Variants in CYP2A13 observed in about 807,000 individuals in gnomAD.
CYP2A13 encodes the protein cytochrome P450 family 2 subfamily A member 13.
Under a neutral mutation model 39.4 loss-of-function variants are expected in CYP2A13, and 30 were observed. That is an observed-to-expected ratio of 0.76 (90% CI 0.57 to 1.03). The LOEUF (loss-of-function observed/expected upper bound fraction) is 1.03. CYP2A13 is among the 50% of genes least tolerant of loss of function. The pLI, the probability that CYP2A13 is intolerant of heterozygous loss-of-function variation, is 0.00. For synonymous variants in CYP2A13, 269 were observed against 254.7 expected (o/e 1.06, Z -0.54); for missense variants, 731 against 648.4 (o/e 1.13, Z -1.38).
Position 41,090,421 on chromosome 19 carries a change from A to G in CYP2A13, c.511A>G (p.Thr171Ala). The change falls in exon 4 of 9, where the codon ACC (threonine) becomes GCC (alanine). Residue 171 changes from threonine (T) to alanine (A), a missense_variant. Physicochemically the swap from Thr to Ala is moderately conservative, Grantham distance 58. Coordinates refer to ENST00000330436, the MANE Select transcript of CYP2A13 (RefSeq NM_000766.5). ...ACCTGCAGGCGCCAATATCGATCCCACCTTCTTCCTGAGCCGCACAGTCTC... is the reference window on the plus strand; with the variant it reads ...ACCTGCAGGCGCCAATATCGATCCCGCCTTCTTCCTGAGCCGCACAGTCTC... ...RGTHGANIDP[T>A]FFLSRTVSNV... is the part of the protein sequence containing the mutation. The G allele has an allele frequency of 6.2e-7, 1 of 1,613,826 alleles. No individual in the cohort carries two copies. The highest frequency in any genetic ancestry group is 1.1e-5 in the South Asian group (1 of 91,056).
chr19:41,094,115 T>C, intron 6 of CYP2A13, 130 bp from the exon 7 acceptor site: 7 of 1,409,626 alleles, frequency 5.0e-6, no homozygotes, highest in Non-Finnish European at 6.7e-6. Flanking sequence ...GGCTGATGTC[T>C]GTTCTGTTAT....
Position 41,091,758 on chromosome 19 carries a change from G to C in CYP2A13, c.681G>C (p.Met227Ile), listed in dbSNP as rs746910105. Reference sequence around the variant, plus strand: ...TCTATGAGATGTTCTCTTCGGTGATGAAACACCTGCCAGGACCACAGCAAC... The same window carrying C: ...TCTATGAGATGTTCTCTTCGGTGATCAAACACCTGCCAGGACCACAGCAAC... ...GQLYEMFSSV[M>I]KHLPGPQQQA... The change falls in exon 5 of 9, where the codon ATG becomes ATC. Residue 227 changes from methionine (M) to isoleucine (I), a missense_variant. Physicochemically the swap from Met to Ile is conservative, Grantham distance 10. Transcript: ENST00000330436. 6.2e-7 allele frequency: 1 copy of C among 1,613,994 alleles called. No individual in the cohort carries two copies. The highest frequency in any genetic ancestry group is 8.5e-7 in the Non-Finnish European group (1 of 1,179,872).
In CYP2A13 at chr19:41,090,026, C is replaced by A. The variant is rs754847632; in HGVS notation, c.344-21C>A. On this transcript the variant is annotated intron_variant, in intron 2 of 8. Transcript: ENST00000330436. Reference sequence around the variant, plus strand: ...CCCGCCGCCCCCTGACCTCTCTCCACCCCCGCGTTCACCTCCCCAGGCGTG... The same window carrying A: ...CCCGCCGCCCCCTGACCTCTCTCCAACCCCGCGTTCACCTCCCCAGGCGTG... The A allele has an allele frequency of 1.2e-5, 19 of 1,609,240 alleles. No homozygotes were observed. The East Asian group carries it at 2.9e-4, about 25-fold the overall frequency.
At position 41,095,885 on chromosome 19, in the gene CYP2A13, C is replaced by A; in HGVS notation, c.1429C>A (p.His477Asn). ...SPKDIDVSPKHVGFATIPRNY... is the reference protein window; with the variant it reads ...SPKDIDVSPKNVGFATIPRNY... ...TAAGGATATCGACGTGTCCCCCAAACACGTGGGCTTTGCCACGATCCCACG... is the reference window on the plus strand; with the variant it reads ...TAAGGATATCGACGTGTCCCCCAAAAACGTGGGCTTTGCCACGATCCCACG... The change falls in exon 9 of 9, where the codon CAC (histidine) becomes AAC (asparagine). Residue 477 changes from histidine to asparagine, a missense_variant. Coordinates refer to ENST00000330436, the MANE Select transcript of CYP2A13 (RefSeq NM_000766.5). 1.9e-6 allele frequency: 3 copies of A among 1,613,940 alleles called. No individual in the cohort carries two copies. The highest frequency in any genetic ancestry group is 2.5e-6 in the Non-Finnish European group (3 of 1,179,848).
At position 41,092,290 on chromosome 19, in the gene CYP2A13, T is replaced by A. The variant is rs150246159; in HGVS notation, c.831+382T>A. Among the ~76,000 whole-genome samples, 131 of 124,342 alleles carry A rather than the reference T, an allele frequency of 1.1e-3. 1 individual carries two copies. Among genetic ancestry groups the A allele is most frequent in the Admixed American group, 3.0e-3 (28 of 9,232 alleles). The allele number at this position is 124,342 out of a possible 152,430, so 81.6% of individuals were successfully genotyped here. A position where few individuals can be genotyped will look rare whatever the true frequency, so the allele number is the denominator to read the frequency against. On this transcript the variant is annotated intron_variant, in intron 5 of 8. Coordinates refer to ENST00000330436, the MANE Select transcript of CYP2A13 (RefSeq NM_000766.5). The stretch of plus-strand genomic sequence containing the variant: ...GGGATCATGCCACTGCACTCCGGCC[T>A]GAGTGACAGAGCAAGACCCTGTAAA...
At chr19:41,093,316 C>T (rs1177972377) in intron 5 of CYP2A13, among the ~76,000 whole-genome samples, 1 of 151,896 alleles carries the variant, frequency 6.6e-6, no homozygotes, top group Non-Finnish European at 1.5e-5. Context: ...ATTCCTTGAA[C>T]CCAGGAGTTG....
chr19:41,090,276 C>T, intron 3 of CYP2A13, 80 bp downstream of exon 3: 3 of 1,559,798 alleles, frequency 1.9e-6, no homozygotes, highest in South Asian at 1.2e-5. Flanking sequence ...GAAAGGGGCC[C>T]GCACTTCCAG....
At chr19:41,089,888 TCTGA>T (rs1459197211) in intron 2 of CYP2A13, among the ~76,000 whole-genome samples, 155 bp from the exon 3 acceptor site, 3 of 146,266 alleles carry the variant, frequency 2.1e-5, no homozygotes, top group African/African-American at 5.1e-5. Context: ...CTCGTGTTTC[TCTGA>T]CTGAGTTTGC....
At chr19:41,089,668 C>T (rs560074691) in intron 2 of CYP2A13, among the ~76,000 whole-genome samples, 2 of 151,748 alleles carry the variant, frequency 1.3e-5, no homozygotes, top group African/African-American at 4.8e-5. Context: ...ATCTCACTTC[C>T]CCTCCCTCCA....
At chr19:41,090,325 C>G in intron 3 of CYP2A13, 79 bp from the exon 4 acceptor site, 5 of 1,602,158 alleles carry the variant, frequency 3.1e-6, no homozygotes, top group Non-Finnish European at 4.3e-6. Flanking sequence ...CAACAGGGCC[C>G]TGCCTCCTGG....
Position 41,091,852 on chromosome 19 carries a change from C to T in CYP2A13, c.775C>T (p.Leu259=). Residue 259 remains leucine, a synonymous_variant, in exon 5 of 9, where the codon CTG becomes TTG. Coordinates refer to ENST00000330436, the MANE Select transcript of CYP2A13 (RefSeq NM_000766.5). The part of the protein sequence containing the change: ...AKKVEHNQRT[L]DPNSPRDFID... ...GAAGGTGGAGCACAACCAGCGCACGCTGGATCCCAATTCCCCACGGGACTT... is the reference window on the plus strand; with the variant it reads ...GAAGGTGGAGCACAACCAGCGCACGTTGGATCCCAATTCCCCACGGGACTT... 1 of 1,614,188 alleles carries T rather than the reference C, an allele frequency of 6.2e-7. No individual in the cohort carries two copies. The highest frequency in any genetic ancestry group is 8.5e-7 in the Non-Finnish European group (1 of 1,180,032).
At chr19:41,089,970 G>C in intron 2 of CYP2A13, 77 bp from the exon 3 acceptor site, 2 of 1,471,904 alleles carry the variant, frequency 1.4e-6, no homozygotes, top group East Asian at 5.0e-5. Context: ...TCCACCCTTG[G>C]GGAGCCCCTT....
In CYP2A13 at chr19:41,091,602, A is replaced by G. The variant is rs149269648; in HGVS notation, c.655-130A>G. ...TATAAGTTTCCATCCAACCCCACTG[A>G]AATACCTAAACACCTGGACAGATGC... On this transcript the variant is annotated intron_variant, in intron 4 of 8. Transcript: ENST00000330436. 1,143 of 1,396,704 alleles carry G rather than the reference A, an allele frequency of 8.2e-4. 17 individuals carry two copies. In the East Asian group the frequency reaches 0.023, roughly 29 times the overall value. The allele number at this position is 1,396,704 out of a possible 1,614,324, so 86.5% of individuals were successfully genotyped here.
chr19:41,088,804 TG>T lies in CYP2A13; in HGVS notation c.181-122del, dbSNP rs1469770720. 9 of 1,542,728 alleles carry T rather than the reference TG, an allele frequency of 5.8e-6. No homozygotes were observed. In the Middle Eastern group the frequency reaches 8.0e-4, roughly 136 times the overall value. On this transcript the variant is annotated intron_variant, in intron 1 of 8. Transcript: ENST00000330436. ...GGTCCTAGCAGGAAAGACAGGATCT[TG>T]GGATGTCCAGCTCCCTGACTGTGAG...
intron 5 of CYP2A13, 68 bp from the exon 6 acceptor site, chr19:41,093,562 G>T (rs2031234874): frequency 1.3e-6 from 2 of 1,594,478 alleles, no homozygotes; most frequent in African/African-American, 1.4e-5. Context: ...TAGCTCCAAA[G>T]GAAAAGCCCT....
At chr19:41,091,617 T>A (rs528070138) in intron 4 of CYP2A13, 115 bp from the exon 5 acceptor site, 5 of 1,479,916 alleles carry the variant, frequency 3.4e-6, no homozygotes, top group Non-Finnish European at 4.5e-6. Flanking sequence ...CCTAAACACC[T>A]GGACAGATGC....
In CYP2A13 at chr19:41,090,404, G is replaced by A. The variant is rs1255271281; in HGVS notation, c.494G>A (p.Gly165Asp). 2 of 1,614,024 alleles carry A rather than the reference G, an allele frequency of 1.2e-6. 1 individual carries two copies. The highest frequency in any genetic ancestry group is 2.2e-5 in the South Asian group (2 of 91,076). Reference protein sequence around the residue: ...FLIDALRGTHGANIDPTFFLS... With the variant: ...FLIDALRGTHDANIDPTFFLS... Reference sequence around the variant, plus strand: ...CCCCCTTCTCCCGCCACACCTGCAGGCGCCAATATCGATCCCACCTTCTTC... The same window carrying A: ...CCCCCTTCTCCCGCCACACCTGCAGACGCCAATATCGATCCCACCTTCTTC... Residue 165 changes from glycine to aspartate, a missense_variant and splice_region_variant, in exon 4 of 9, where the codon GGC (glycine) becomes GAC (aspartate). Coordinates refer to ENST00000330436, the MANE Select transcript of CYP2A13 (RefSeq NM_000766.5).
chr19:41,090,069 GC>G lies in CYP2A13; in HGVS notation c.367del (p.Arg123AlafsTer13), dbSNP rs1171805214. The G allele has an allele frequency of 6.2e-7, 1 of 1,612,924 alleles. No homozygotes were observed. The highest frequency in any genetic ancestry group is 8.5e-7 in the Non-Finnish European group (1 of 1,179,686). On this transcript the variant is annotated frameshift_variant, in exon 3 of 9. Transcript: ENST00000330436. LOFTEE classifies it high-confidence loss of function. The stretch of plus-strand genomic sequence containing the variant: ...CAGGCGTGGCGTTCAGCAACGGGGA[GC>G]GCGCCAAGCAGCTCCGGCGCTTCTC... ...GYGVAFSNGERAKQLRRFSIA... is the reference protein window; with the variant it reads ...GYGVAFSNGEXAKQLRRFSIA...
chr19:41,094,933 A>G (rs1314532123), intron 7 of CYP2A13, 26 bp from the exon 8 acceptor site: 17 of 1,612,744 alleles, frequency 1.1e-5, no homozygotes, highest in Admixed American at 1.7e-5. Context: ...CTGCCTCATT[A>G]CACACACCTT....
Sources: allele counts gnomAD v4.1 joint callset (sites outside exome capture counted in the v4.1 genomes callset), GRCh38; gene constraint gnomAD v4.1.1; transcripts MANE v1.5; gene names NCBI Gene and HGNC (gene_info 2026-07-23, HGNC 2026-07-21).